The following CAMKMT variants were observed in gnomAD, a reference collection of about 807,000 sequenced individuals.
CAMKMT encodes calmodulin-lysine N-methyltransferase.
CAMKMT carries 53 observed loss-of-function variants against 48.0 expected under a neutral mutation model. The observed-to-expected ratio is 1.10, with a 90% CI of 0.89 to 1.39. CAMKMT has a LOEUF of 1.39. Ranked by LOEUF, CAMKMT falls within the 40% of genes most tolerant of loss-of-function variation. The probability of loss-of-function intolerance (pLI) is 0.00; values close to 1 mark genes in which losing one functional copy is unlikely to be tolerated. For missense variants in CAMKMT, 428 were observed against 402.7 expected, an observed-to-expected ratio of 1.06 and a Z score of -0.54; for synonymous variants, 165 against 152.3, an observed-to-expected ratio of 1.08 and a Z score of -0.61.
At chr2:44,527,673 T>C (rs1384840468) in intron 3 of CAMKMT, among the ~76,000 whole-genome samples, 1 of 151,752 alleles carries the variant, frequency 6.6e-6, no homozygotes, top group Non-Finnish European at 1.5e-5. Flanking sequence ...GTTTTACAGT[T>C]CCTTTTTTTC....
At chr2:44,766,334 A>G in intron 9 of CAMKMT, 96 bp from the exon 10 acceptor site, 1 of 1,346,918 alleles carries the variant, frequency 7.4e-7, no homozygotes, top group South Asian at 1.3e-5. Flanking sequence ...GAGTTTTTCT[A>G]CTTGAGAGCA....
At chr2:44,509,920 G>T (rs1670452982) in intron 3 of CAMKMT, among the ~76,000 whole-genome samples, 1 of 152,190 alleles carries the variant, frequency 6.6e-6, no homozygotes, top group Non-Finnish European at 1.5e-5. Context: ...CCGGTCTCCA[G>T]AACTGTGAAT....
At chr2:44,726,930 G>A (rs76599690) in intron 7 of CAMKMT, among the ~76,000 whole-genome samples, 2,947 of 152,210 alleles carry the variant, frequency 0.019, 72 homozygotes, top group African/African-American at 0.068. Context: ...ATGGTTGCAA[G>A]TGTGCGGCTT....
intron 3 of CAMKMT, among the ~76,000 whole-genome samples, chr2:44,548,409 A>T (rs996993178): frequency 1.3e-5 from 2 of 152,202 alleles, no homozygotes; most frequent in African/African-American, 4.8e-5. Context: ...GTCTCACATG[A>T]AACCACAAGC....
At chr2:44,477,377 C>G (rs971936819) in intron 3 of CAMKMT, among the ~76,000 whole-genome samples, 1 of 152,294 alleles carries the variant, frequency 6.6e-6, no homozygotes, top group South Asian at 2.1e-4. Context: ...TATTTATATA[C>G]AACTTTGTAT....
rs554099855 is a variant in CAMKMT, at chr2:44,447,498, T to TC, written c.376+57200dup. Among the ~76,000 whole-genome samples the TC allele has an allele frequency of 3.9e-3, 598 of 152,172 alleles. 6 individuals are homozygous for TC. The highest frequency in any genetic ancestry group is 0.014 in the African/African-American group (569 of 41,534). On this transcript the variant is annotated intron_variant, in intron 3 of 10. Coordinates refer to ENST00000378494, the MANE Select transcript of CAMKMT (RefSeq NM_024766.5). ...TTATGTTGCAATAATAAACAGCCCA[T>TC]CCCCCCCAACCTCAGTGGCTTACAA...
chr2:44,745,094 A>C (rs1437892471), intron 8 of CAMKMT, among the ~76,000 whole-genome samples: 1 of 152,192 alleles, frequency 6.6e-6, no homozygotes, highest in Non-Finnish European at 1.5e-5. Flanking sequence ...AGATGAAGAT[A>C]ATGCTGGCAG....
chr2:44,563,172 A>G (rs1168733053), intron 3 of CAMKMT, among the ~76,000 whole-genome samples: 2 of 146,702 alleles, frequency 1.4e-5, no homozygotes, highest in African/African-American at 4.9e-5. Context: ...TAATCCTACA[A>G]TCCCACAACT....
At position 44,368,871 on chromosome 2, in the gene CAMKMT, A is replaced by T. The variant is rs550274400; in HGVS notation, c.139-3845A>T. On this transcript the variant is annotated intron_variant, in intron 1 of 10. Transcript: ENST00000378494. ...TTGACAGACTATAATAAGACCCTGT[A>T]TTATTATTATTATTTTTAAACAGAA... Among the ~76,000 whole-genome samples the T allele has an allele frequency of 1.3e-4, 20 of 151,970 alleles. No individual in the cohort carries two copies. In the East Asian group the frequency reaches 3.9e-3, roughly 29 times the overall value.
At chr2:44,754,157 G>A in intron 9 of CAMKMT, 39 bp downstream of exon 9, 6 of 1,458,006 alleles carry the variant, frequency 4.1e-6, no homozygotes, top group Non-Finnish European at 5.8e-6. Flanking sequence ...ACTGGCTACA[G>A]AATAATTAGT....
intron 3 of CAMKMT, 59 bp downstream of exon 3, chr2:44,390,364 G>A: frequency 1.6e-6 from 2 of 1,242,616 alleles, no homozygotes; most frequent in Non-Finnish European, 2.3e-6. Flanking sequence ...TGAATTTATA[G>A]TTGATGTTTT....
chr2:44,764,808 T>C (rs751715918), intron 9 of CAMKMT, among the ~76,000 whole-genome samples: 5 of 152,198 alleles, frequency 3.3e-5, no homozygotes, highest in Non-Finnish European at 7.3e-5. Flanking sequence ...TAGCTATCAT[T>C]ATCATTGTCA....
chr2:44,711,663 C>T (rs980019390), intron 6 of CAMKMT, among the ~76,000 whole-genome samples: 24 of 152,116 alleles, frequency 1.6e-4, no homozygotes, highest in African/African-American at 5.8e-4. Context: ...AGTGTAACTG[C>T]CAAACCTCAT....
intron 3 of CAMKMT, among the ~76,000 whole-genome samples, chr2:44,523,180 T>G (rs1671209890): frequency 6.6e-6 from 1 of 152,106 alleles, no homozygotes; most frequent in Non-Finnish European, 1.5e-5. Context: ...AGTCACAACT[T>G]TTTAACTTTG....
intron 3 of CAMKMT, among the ~76,000 whole-genome samples, chr2:44,409,179 A>G (rs1405631079): frequency 9.5e-4 from 14 of 14,736 alleles, no homozygotes; most frequent in East Asian, 6.0e-3. Flanking sequence ...ATATATATAT[A>G]TATGTATATT....
At chr2:44,673,992 T>G (rs1379608334) in intron 3 of CAMKMT, among the ~76,000 whole-genome samples, 1 of 152,210 alleles carries the variant, frequency 6.6e-6, no homozygotes, top group Non-Finnish European at 1.5e-5. Context: ...AAGAAAAGTT[T>G]GAATCATGTT....
intron 3 of CAMKMT, among the ~76,000 whole-genome samples, chr2:44,590,987 C>T (rs1354747120): frequency 6.6e-6 from 1 of 152,022 alleles, no homozygotes; most frequent in Non-Finnish European, 1.5e-5. Context: ...GCCAGTTTTC[C>T]CAGCACCATT....
intron 3 of CAMKMT, among the ~76,000 whole-genome samples, chr2:44,655,065 A>AT (rs1387329433): frequency 2.1e-4 from 32 of 152,336 alleles, no homozygotes; most frequent in African/African-American, 7.5e-4. Flanking sequence ...CTTAGAATGC[A>AT]TTCTGAAGAG....
intron 3 of CAMKMT, among the ~76,000 whole-genome samples, chr2:44,599,299 C>G (rs1291768259): frequency 6.6e-6 from 1 of 152,092 alleles, no homozygotes; most frequent in East Asian, 1.9e-4. Flanking sequence ...GCTTTCAAAA[C>G]TAGATTATAT....
Sources: allele counts gnomAD v4.1 joint callset (sites outside exome capture counted in the v4.1 genomes callset), GRCh38; gene constraint gnomAD v4.1.1; transcripts MANE v1.5; gene names NCBI Gene and HGNC (gene_info 2026-07-23, HGNC 2026-07-21).